Variants in GATAD2A observed in about 807,000 individuals in gnomAD.
The protein encoded by GATAD2A is GATA zinc finger domain containing 2A, also known as transcriptional repressor p66-alpha.
A neutral mutation model predicts 68.5 loss-of-function variants in GATAD2A; 12 were observed. The observed-to-expected ratio is 0.18, with a 90% CI of 0.11 to 0.28. GATAD2A has a LOEUF of 0.28. Among genes scored for constraint, GATAD2A ranks in the 10% least tolerant of loss-of-function variants. GATAD2A has a pLI of 1.00. For synonymous variants in GATAD2A, 410 were observed against 375.3 expected (o/e 1.09, Z -1.07); for missense variants, 755 against 868.5 (o/e 0.87, Z 1.64).
chr19:19,418,095 T>G (rs2051875165), intron 1 of GATAD2A, among the ~76,000 whole-genome samples: 1 of 152,076 alleles, frequency 6.6e-6, no homozygotes, highest in Non-Finnish European at 1.5e-5. Context: ...ATTGTGGATC[T>G]TTGGTTTTAG....
At chr19:19,451,711 C>T (rs796404688) in intron 1 of GATAD2A, among the ~76,000 whole-genome samples, 13 of 152,264 alleles carry the variant, frequency 8.5e-5, no homozygotes, top group African/African-American at 2.9e-4. Flanking sequence ...TTGGTGATTC[C>T]GGCCCTTGTG....
At chr19:19,503,348 AGAGCCTGCT>A (rs1302139277) in intron 11 of GATAD2A, among the ~76,000 whole-genome samples, 2 of 152,130 alleles carry the variant, frequency 1.3e-5, no homozygotes, top group Admixed American at 6.6e-5. Flanking sequence ...GGGGAGCCTG[AGAGCCTGCT>A]GAGCCTGCCG....
chr19:19,470,567 A>C (rs1600218004), intron 2 of GATAD2A, among the ~76,000 whole-genome samples: 2 of 152,334 alleles, frequency 1.3e-5, no homozygotes, highest in Admixed American at 1.3e-4. Context: ...ACTCTCAATA[A>C]TTGGTAGAAC....
chr19:19,409,919 T>C (rs1321752252), intron 1 of GATAD2A, among the ~76,000 whole-genome samples: 2 of 152,198 alleles, frequency 1.3e-5, no homozygotes, highest in African/African-American at 4.8e-5. Context: ...GATGGAAATG[T>C]AGGTTAGTCT....
intron 1 of GATAD2A, among the ~76,000 whole-genome samples, chr19:19,451,023 G>A (rs1259216192): frequency 6.6e-6 from 1 of 150,738 alleles, no homozygotes; most frequent in East Asian, 2.0e-4. Context: ...GCCTGCCTCA[G>A]CCTCCCAAAA....
Position 19,492,568 on chromosome 19 carries a change from C to T in GATAD2A, c.403-13C>T. Reference sequence around the variant, plus strand: ...GACGCTCCCTCTCAACCCTGTTCCTCTCGCCCCTGCAGAAAAGCAGTCCTG... The same window carrying T: ...GACGCTCCCTCTCAACCCTGTTCCTTTCGCCCCTGCAGAAAAGCAGTCCTG... On this transcript the variant is annotated splice_polypyrimidine_tract_variant and intron_variant, in intron 3 of 11. Transcript: ENST00000683918. 6.2e-7 allele frequency: 1 copy of T among 1,614,174 alleles called. No individual in the cohort carries two copies. The highest frequency in any genetic ancestry group is 8.5e-7 in the Non-Finnish European group (1 of 1,180,000).
chr19:19,469,191 G>T (rs961915693), intron 2 of GATAD2A, among the ~76,000 whole-genome samples: 1 of 152,144 alleles, frequency 6.6e-6, no homozygotes, highest in Non-Finnish European at 1.5e-5. Context: ...CAGCACTTTG[G>T]GAGGCTGAGG....
chr19:19,472,583 C>T (rs938446037), intron 2 of GATAD2A: 17 of 152,192 alleles, frequency 1.1e-4, no homozygotes, highest in African/African-American at 4.1e-4. Context: ...ATCCACCCAC[C>T]TCAACCTCCG....
chr19:19,420,405 C>T (rs1683253595), intron 1 of GATAD2A, among the ~76,000 whole-genome samples: 1 of 147,412 alleles, frequency 6.8e-6, no homozygotes, highest in South Asian at 2.2e-4. Flanking sequence ...GATCTCGGCT[C>T]ACTGGAAGCT....
At chr19:19,469,363 C>T (rs1005841623) in intron 2 of GATAD2A, among the ~76,000 whole-genome samples, 36 of 145,860 alleles carry the variant, frequency 2.5e-4, no homozygotes, top group Non-Finnish European at 3.3e-4. Flanking sequence ...ACCTGGGAGG[C>T]GGAGCTTGCA....
intron 5 of GATAD2A, among the ~76,000 whole-genome samples, chr19:19,494,742 C>T (rs945212362): frequency 4.6e-5 from 7 of 152,206 alleles, no homozygotes; most frequent in African/African-American, 1.7e-4. Context: ...GGTTTTCTCC[C>T]AGCCATATGG....
At chr19:19,491,636 T>C (rs1053913273) in intron 2 of GATAD2A, among the ~76,000 whole-genome samples, 2 of 152,144 alleles carry the variant, frequency 1.3e-5, no homozygotes, top group African/African-American at 2.4e-5. Context: ...CTAGTCAGTT[T>C]CAAAACAGAC....
intron 1 of GATAD2A, among the ~76,000 whole-genome samples, chr19:19,414,530 CTTTTTTTTTT>C (rs758728889): frequency 3.1e-4 from 22 of 70,210 alleles, no homozygotes; most frequent in South Asian, 5.7e-4. Flanking sequence ...AGGGCCTTGT[CTTTTTTTTTT>C]TTTTTTTTTT....
intron 2 of GATAD2A, among the ~76,000 whole-genome samples, chr19:19,487,576 G>T (rs1345564493): frequency 2.6e-5 from 4 of 152,056 alleles, no homozygotes; most frequent in African/African-American, 9.7e-5. Flanking sequence ...AGCTCTGGGG[G>T]GTTTCTGCTC....
chr19:19,501,189 A>T lies in GATAD2A; in HGVS notation c.1276A>T (p.Thr426Ser), dbSNP rs2060499445. The T allele has an allele frequency of 6.2e-7, 1 of 1,613,438 alleles. No individual in the cohort carries two copies. Among genetic ancestry groups the T allele is most frequent in the African/African-American group, 1.3e-5 (1 of 74,938 alleles). Residue 426 changes from threonine (T) to serine (S), a missense_variant, in exon 9 of 12, where the codon ACG becomes TCG. Physicochemically the swap from Thr to Ser is moderately conservative, Grantham distance 58. Coordinates refer to ENST00000683918, the MANE Select transcript of GATAD2A (RefSeq NM_001384528.1). ...GTGTGCACAGTGCAAGACGGACTTCACGTGCCGCTGGCGGGAGGAGAAGAG... is the reference window on the plus strand; with the variant it reads ...GTGTGCACAGTGCAAGACGGACTTCTCGTGCCGCTGGCGGGAGGAGAAGAG... ...YMCAQCKTDF[T>S]CRWREEKSGA...
chr19:19,440,878 CAA>C (rs1427994763), intron 1 of GATAD2A, among the ~76,000 whole-genome samples: 1 of 152,156 alleles, frequency 6.6e-6, no homozygotes, highest in Non-Finnish European at 1.5e-5. Flanking sequence ...TAAAGGTAAA[CAA>C]ATTTATTTCC....
At chr19:19,496,879 C>T (rs2060190388) in intron 7 of GATAD2A, among the ~76,000 whole-genome samples, 1 of 152,152 alleles carries the variant, frequency 6.6e-6, no homozygotes, top group Non-Finnish European at 1.5e-5. Context: ...GCTCTTTCTT[C>T]CCTCTTTGGC....
At chr19:19,463,503 C>G (rs2057625005) in intron 1 of GATAD2A, among the ~76,000 whole-genome samples, 1 of 151,772 alleles carries the variant, frequency 6.6e-6, no homozygotes, top group African/African-American at 2.4e-5. Flanking sequence ...GGCAGCTGAG[C>G]AGGAGCGGGG....
chr19:19,483,739 C>T (rs577916576), intron 2 of GATAD2A, among the ~76,000 whole-genome samples: 10 of 151,616 alleles, frequency 6.6e-5, no homozygotes, highest in East Asian at 1.9e-4. Context: ...CTCAGCCTCC[C>T]GAGTAGCTGG....
Sources: gnomAD v4.1 joint callset for allele counts (sites outside exome capture counted in the v4.1 genomes callset) on GRCh38, gnomAD v4.1.1 for gene constraint, MANE v1.5 for transcripts, NCBI Gene and HGNC (gene_info 2026-07-23, HGNC 2026-07-21) for gene names.